The following TMEM108 variants were observed in gnomAD, a reference collection of about 807,000 sequenced individuals.
The protein encoded by TMEM108 is cancer/testis antigen 124.
TMEM108 carries 12 observed loss-of-function variants against 35.1 expected under a neutral mutation model. That is an observed-to-expected ratio of 0.34 (90% CI 0.22 to 0.55). TMEM108 has a LOEUF of 0.55. Ranked by LOEUF, TMEM108 falls within the 20% of genes least tolerant of loss-of-function variation. The pLI is 0.89. For synonymous variants in TMEM108, 287 were observed against 308.6 expected, an observed-to-expected ratio of 0.93 and a Z score of 0.73; for missense variants, 680 against 753.3, an observed-to-expected ratio of 0.90 and a Z score of 1.14.
intron 2 of TMEM108, among the ~76,000 whole-genome samples, chr3:133,132,825 T>C (rs1028574509): frequency 2.6e-5 from 4 of 151,912 alleles, no homozygotes; most frequent in Non-Finnish European, 5.9e-5. Context: ...CATTCGTGAT[T>C]TATGGGAAGA....
intron 3 of TMEM108, among the ~76,000 whole-genome samples, chr3:133,242,889 A>T (rs997866542): frequency 3.9e-5 from 6 of 152,200 alleles, no homozygotes; most frequent in Admixed American, 6.5e-5. Flanking sequence ...ACAGCAGCTC[A>T]GGAGAGAGCC....
In TMEM108 at chr3:133,249,304, C is replaced by T. The variant is rs74794220; in HGVS notation, c.40+19953C>T. 6.2e-3 allele frequency among the ~76,000 whole-genome samples: 948 copies of T among 152,288 alleles called. 12 individuals carry two copies. The highest frequency in any genetic ancestry group is 0.021 in the African/African-American group (891 of 41,564). On this transcript the variant is annotated intron_variant, in intron 3 of 5. Coordinates refer to ENST00000321871, the MANE Select transcript of TMEM108 (RefSeq NM_023943.4). ...ATAAAGACGGAAAACTATTAGGCTG[C>T]ATCAGTGCAGTAAAGGGCAGAGAAT...
At chr3:133,375,954 C>T (rs1387567441) in intron 3 of TMEM108, among the ~76,000 whole-genome samples, 1 of 152,124 alleles carries the variant, frequency 6.6e-6, no homozygotes, top group Non-Finnish European at 1.5e-5. Context: ...CCTTGGCACC[C>T]ACGGTGGCAG....
At chr3:133,311,878 C>CCT (rs1464149320) in intron 3 of TMEM108, among the ~76,000 whole-genome samples, 5 of 152,126 alleles carry the variant, frequency 3.3e-5, no homozygotes, top group African/African-American at 1.2e-4. Context: ...ATGATGGTGA[C>CCT]CTACAGATGG....
intron 4 of TMEM108, among the ~76,000 whole-genome samples, chr3:133,382,524 G>A (rs1342965496): frequency 6.6e-6 from 1 of 152,230 alleles, no homozygotes; most frequent in Admixed American, 6.5e-5. Flanking sequence ...AGGAAGCACA[G>A]CATTCCACCT....
chr3:133,133,180 G>A (rs1354479068), intron 2 of TMEM108, among the ~76,000 whole-genome samples: 1 of 151,898 alleles, frequency 6.6e-6, no homozygotes, highest in Non-Finnish European at 1.5e-5. Flanking sequence ...CAGGGTTTGA[G>A]AGTATTGACT....
chr3:133,249,223 C>G lies in TMEM108; in HGVS notation c.40+19872C>G, dbSNP rs187888668. ...AAGCTGATGTGATAGGAGGAAGAGA[C>G]AGTAATGGGACAGCCCCACTGTGTT... On this transcript the variant is annotated intron_variant, in intron 3 of 5. Transcript: ENST00000321871. Among the ~76,000 whole-genome samples, 3 of 152,274 alleles carry G rather than the reference C, an allele frequency of 2.0e-5. No homozygotes were observed. In the East Asian group the frequency reaches 5.8e-4, roughly 29 times the overall value.
At chr3:133,181,169 C>A (rs1360140401) in intron 2 of TMEM108, among the ~76,000 whole-genome samples, 1 of 151,998 alleles carries the variant, frequency 6.6e-6, no homozygotes, top group Non-Finnish European at 1.5e-5. Context: ...TCGTTATTGA[C>A]ACAGGAAGCT....
intron 2 of TMEM108, among the ~76,000 whole-genome samples, chr3:133,154,244 G>C (rs372508842): frequency 6.6e-6 from 1 of 151,874 alleles, no homozygotes; most frequent in Non-Finnish European, 1.5e-5. Context: ...TAGGTTGCCT[G>C]TTCACTCTGA....
chr3:133,359,796 A>C (rs1429625150), intron 3 of TMEM108, among the ~76,000 whole-genome samples: 1 of 152,206 alleles, frequency 6.6e-6, no homozygotes, highest in Non-Finnish European at 1.5e-5. Context: ...AATCAAGTTC[A>C]ATAGACACTT....
intron 3 of TMEM108, among the ~76,000 whole-genome samples, chr3:133,266,083 G>A (rs763460718): frequency 6.6e-6 from 1 of 151,652 alleles, no homozygotes; most frequent in African/African-American, 2.4e-5. Flanking sequence ...TTGACTCCAA[G>A]AAAGCTCTTA....
intron 3 of TMEM108, among the ~76,000 whole-genome samples, chr3:133,320,073 G>C (rs570011134): frequency 6.6e-6 from 1 of 152,154 alleles, no homozygotes; most frequent in African/African-American, 2.4e-5. Context: ...TTCAAGACCA[G>C]CCTGGGCAAC....
chr3:133,380,414 CT>C lies in TMEM108; in HGVS notation c.704del (p.Leu235ProfsTer176). The C allele has an allele frequency of 6.2e-7, 1 of 1,613,694 alleles. No individual in the cohort carries two copies. The highest frequency in any genetic ancestry group is 8.5e-7 in the Non-Finnish European group (1 of 1,179,764). On this transcript the variant is annotated frameshift_variant, in exon 4 of 6. Transcript: ENST00000321871. LOFTEE classifies it high-confidence loss of function. This position sits in a 1 kb window ranked among gnomAD's most constrained non-coding sequence, Gnocchi z 5.3. The part of the protein sequence containing the change: ...TGSVEPEPST[L>X]TPRTPLWGYS... ...GTCTGTGGAACCGGAGCCCTCTACC[CT>C]CACCCCCAGGACCCCACTCTGGGGC...
At chr3:133,098,187 G>A (rs2887625) in intron 2 of TMEM108, among the ~76,000 whole-genome samples, 110,890 of 152,134 alleles carry the variant, frequency 0.73, 40,516 homozygotes, top group Middle Eastern at 0.77. Context: ...AAACATGGTG[G>A]GAGGCAAAAG....
At chr3:133,289,401 T>G (rs1305297763) in intron 3 of TMEM108, among the ~76,000 whole-genome samples, 1 of 152,246 alleles carries the variant, frequency 6.6e-6, no homozygotes, top group African/African-American at 2.4e-5. Context: ...CCTAGGGTAC[T>G]ACAGTGAACT....
chr3:133,268,579 C>G (rs1209304998), intron 3 of TMEM108, among the ~76,000 whole-genome samples: 1 of 152,172 alleles, frequency 6.6e-6, no homozygotes, highest in East Asian at 1.9e-4. Context: ...CAGAATAGAT[C>G]CAGAGAGCTT....
chr3:133,152,519 G>A (rs180815998), intron 2 of TMEM108, among the ~76,000 whole-genome samples: 4 of 152,196 alleles, frequency 2.6e-5, no homozygotes, highest in East Asian at 1.9e-4. Flanking sequence ...AGAAATTGTC[G>A]TCATCTATTT....
At chr3:133,281,166 T>C (rs1946906618) in intron 3 of TMEM108, among the ~76,000 whole-genome samples, 1 of 152,174 alleles carries the variant, frequency 6.6e-6, no homozygotes, top group South Asian at 2.1e-4. Context: ...AAATACAGTC[T>C]TGAATGAAAT....
At chr3:133,058,208 T>A (rs1287635063) in intron 2 of TMEM108, among the ~76,000 whole-genome samples, 1 of 152,228 alleles carries the variant, frequency 6.6e-6, no homozygotes, top group Non-Finnish European at 1.5e-5. Context: ...ACATCAGATA[T>A]CCCACTCCAC....
Sources: gnomAD v4.1 joint callset for allele counts (sites outside exome capture counted in the v4.1 genomes callset) on GRCh38, gnomAD v4.1.1 for gene constraint, Gnocchi (gnomAD v3.1) non-coding constraint, MANE v1.5 for transcripts, NCBI Gene and HGNC (gene_info 2026-07-23, HGNC 2026-07-21) for gene names.